Variants in SLC8A1 observed in about 807,000 individuals in gnomAD.
The protein encoded by SLC8A1 is sodium/calcium exchanger 1.
Under a neutral mutation model 68.3 loss-of-function variants are expected in SLC8A1, and 18 were observed. That is an observed-to-expected ratio of 0.26 (90% CI 0.18 to 0.39). The LOEUF is 0.39. Ranked by LOEUF, SLC8A1 falls within the 10% of genes least tolerant of loss-of-function variation. The pLI is 1.00. For synonymous variants in SLC8A1, 475 were observed against 415.5 expected (o/e 1.14, Z -1.74); for missense variants, 985 against 1,156.7 (o/e 0.85, Z 2.15).
At chr2:40,284,427 A>G (rs892929114) in intron 2 of SLC8A1, among the ~76,000 whole-genome samples, 3 of 145,076 alleles carry the variant, frequency 2.1e-5, no homozygotes, top group African/African-American at 7.8e-5. Flanking sequence ...AGATCTATAT[A>G]TCTATATATC....
chr2:40,453,756 T>C (rs2149885586), upstream of SLC8A1, among the ~76,000 whole-genome samples: 1 of 152,292 alleles, frequency 6.6e-6, no homozygotes, highest in South Asian at 2.1e-4. Flanking sequence ...ACATGGGGAT[T>C]GCAGATTCTT....
At chr2:40,109,640 G>A (rs2034439860) in exon 8 of SLC8A1, 4 of 152,128 alleles carry the variant, frequency 2.6e-5, no homozygotes, top group Admixed American at 2.0e-4. Context: ...CTATTGCCGG[G>A]AGGTAATAGT....
intron 7 of SLC8A1, chr2:40,116,939 C>A (rs2035572888): frequency 6.6e-6 from 1 of 152,370 alleles, no homozygotes; most frequent in Non-Finnish European, 1.5e-5. Context: ...GCCTTCGCAG[C>A]TGACTGTGTG....
intron 1 of SLC8A1, among the ~76,000 whole-genome samples, chr2:40,474,213 C>T (rs1704150274): frequency 6.6e-6 from 1 of 152,244 alleles, no homozygotes; most frequent in Admixed American, 6.5e-5. Context: ...GCTTGGGAAA[C>T]ATCAGGAGAT....
At position 40,450,005 on chromosome 2, in the gene SLC8A1, A is replaced by G. The variant is rs538655814; in HGVS notation, c.-25+1899T>C. Among the ~76,000 whole-genome samples, 29 of 152,318 alleles carry G rather than the reference A, an allele frequency of 1.9e-4. No individual in the cohort carries two copies. The South Asian group carries it at 5.0e-3, about 26-fold the overall frequency. On this transcript the variant is annotated intron_variant, in intron 1 of 7. Transcript: ENST00000406785. ...GAGATCCAAATGGAATTCTTCAAGC[A>G]GGCAGAATTTGTAAAACGAAAACCA...
intron 2 of SLC8A1, among the ~76,000 whole-genome samples, chr2:40,187,994 G>C (rs1305458669): frequency 1.3e-5 from 2 of 152,056 alleles, no homozygotes; most frequent in East Asian, 3.9e-4. Flanking sequence ...AAGGACCTGG[G>C]GTCTGTTACC....
intron 2 of SLC8A1, among the ~76,000 whole-genome samples, chr2:40,362,780 T>G (rs73926621): frequency 1.4e-3 from 218 of 152,268 alleles, no homozygotes; most frequent in African/African-American, 5.0e-3. Flanking sequence ...TTAGTACAAA[T>G]TAAAACATTG....
chr2:40,322,919 T>G (rs924293635), intron 2 of SLC8A1, among the ~76,000 whole-genome samples: 4 of 152,060 alleles, frequency 2.6e-5, no homozygotes, highest in African/African-American at 9.6e-5. Flanking sequence ...GTTTTATAAT[T>G]CATATTTAAA....
intron 2 of SLC8A1, among the ~76,000 whole-genome samples, chr2:40,327,675 T>C (rs896025275): frequency 2.6e-5 from 4 of 152,176 alleles, no homozygotes; most frequent in Admixed American, 6.5e-5. Context: ...AAATACTGCA[T>C]GTTATCACAT....
chr2:40,135,673 G>A (rs574685375), intron 7 of SLC8A1, among the ~76,000 whole-genome samples: 136 of 152,194 alleles, frequency 8.9e-4, no homozygotes, highest in African/African-American at 3.0e-3. Context: ...AGCCAAGATC[G>A]TGCCACTGCA....
intron 1 of SLC8A1, among the ~76,000 whole-genome samples, chr2:40,477,346 C>T (rs1389372419): frequency 6.6e-6 from 1 of 152,158 alleles, no homozygotes; most frequent in Non-Finnish European, 1.5e-5. Flanking sequence ...CTTCTGAACA[C>T]ATGTGAGTAA....
chr2:40,319,556 G>A (rs571328550), intron 2 of SLC8A1, among the ~76,000 whole-genome samples: 18 of 152,206 alleles, frequency 1.2e-4, no homozygotes, highest in African/African-American at 3.4e-4. Context: ...CTGAACAAAT[G>A]ATTAAGTGAA....
intron 2 of SLC8A1, among the ~76,000 whole-genome samples, chr2:40,370,730 A>C (rs1677761743): frequency 6.6e-6 from 1 of 152,118 alleles, no homozygotes; most frequent in Non-Finnish European, 1.5e-5. Context: ...TCATGAAACT[A>C]ATACCAACTC....
In SLC8A1 at chr2:40,260,075, C is replaced by A. The variant is rs150395729; in HGVS notation, c.1809-82220G>T. Among the ~76,000 whole-genome samples, 216 of 152,254 alleles carry A rather than the reference C, an allele frequency of 1.4e-3. 1 individual carries two copies. The highest frequency in any genetic ancestry group is 4.9e-3 in the African/African-American group (202 of 41,530). On this transcript the variant is annotated intron_variant, in intron 2 of 7. Coordinates refer to ENST00000406785, the Ensembl canonical transcript of SLC8A1. ...CCTGAACACTTTAAATATATTGCAACCTAACAAACACATTTACATATCAAC... is the reference window on the plus strand; with the variant it reads ...CCTGAACACTTTAAATATATTGCAAACTAACAAACACATTTACATATCAAC...
At chr2:40,459,536 A>G (rs1052671076) in intron 1 of SLC8A1, among the ~76,000 whole-genome samples, 6 of 152,172 alleles carry the variant, frequency 3.9e-5, no homozygotes, top group African/African-American at 1.4e-4. Context: ...TACATCCAAG[A>G]GTTGTTTCAA....
chr2:40,357,471 T>G (rs1307908280), intron 2 of SLC8A1, among the ~76,000 whole-genome samples: 1 of 135,558 alleles, frequency 7.4e-6, no homozygotes, highest in East Asian at 2.1e-4. Context: ...CATGCCGGCC[T>G]GGGCAACAGA....
intron 2 of SLC8A1, among the ~76,000 whole-genome samples, chr2:40,368,347 C>A (rs1412838921): frequency 2.0e-5 from 3 of 151,960 alleles, no homozygotes; most frequent in Admixed American, 1.3e-4. Flanking sequence ...AAAGTTATTT[C>A]TTTAGTAACC....
chr2:40,161,759 C>T (rs1164372074), intron 5 of SLC8A1, among the ~76,000 whole-genome samples: 7 of 152,176 alleles, frequency 4.6e-5, no homozygotes. Flanking sequence ...GGCTGCTCAT[C>T]CCAAGAAACT....
At chr2:40,137,814 C>T (rs956877437) in intron 7 of SLC8A1, among the ~76,000 whole-genome samples, 4 of 152,058 alleles carry the variant, frequency 2.6e-5, no homozygotes, top group Non-Finnish European at 4.4e-5. Flanking sequence ...TAAGAGAACC[C>T]TCTAGGTCTC....
Sources: allele counts gnomAD v4.1 joint callset (sites outside exome capture counted in the v4.1 genomes callset), GRCh38; gene constraint gnomAD v4.1.1; transcripts MANE v1.5; gene names NCBI Gene and HGNC (gene_info 2026-07-23, HGNC 2026-07-21).